The following NLRP4 variants were observed in gnomAD, a reference collection of about 807,000 sequenced individuals.
The protein encoded by NLRP4 is NLR family pyrin domain containing 4, also known as NACHT, LRR and PYD domains-containing protein 4.
In NLRP4, 44 loss-of-function variants were observed where a neutral mutation model predicts 84.7. That is an observed-to-expected ratio of 0.52 (90% confidence interval 0.41 to 0.67). NLRP4 has a LOEUF of 0.67. NLRP4 is among the 30% of genes least tolerant of loss of function. The pLI is 0.00. For missense variants in NLRP4, 1,260 were observed against 1,219.4 expected, an observed-to-expected ratio of 1.03 and a Z score of -0.50; for synonymous variants, 544 against 476.4, an observed-to-expected ratio of 1.14 and a Z score of -1.85.
Position 55,861,380 on chromosome 19 carries a change from C to T in NLRP4, c.1857-6C>T. 1 of 1,612,516 alleles carries T rather than the reference C, an allele frequency of 6.2e-7. No individual in the cohort carries two copies. The highest frequency in any genetic ancestry group is 1.3e-5 in the African/African-American group (1 of 75,018). ...CTGTGGAAAGCTCGTCCTTTCTTGA[C>T]CACAGGTCGGATTACAGCCTCATCT... On this transcript the variant is annotated splice_polypyrimidine_tract_variant and splice_region_variant and intron_variant, in intron 3 of 9. Coordinates refer to ENST00000301295, the MANE Select transcript of NLRP4 (RefSeq NM_134444.5).
At chr19:55,864,574 A>T (rs8104511) in intron 5 of NLRP4, among the ~76,000 whole-genome samples, 19 of 152,022 alleles carry the variant, frequency 1.2e-4, no homozygotes, top group African/African-American at 4.6e-4. Context: ...ACTTGTAACC[A>T]GGAGTAGACT....
At chr19:55,841,255 G>A (rs1056925758) in intron 1 of NLRP4, among the ~76,000 whole-genome samples, 3 of 152,168 alleles carry the variant, frequency 2.0e-5, no homozygotes, top group African/African-American at 2.4e-5. Context: ...AAGCGTGCCT[G>A]TTGACCAATC....
In NLRP4 at chr19:55,836,642, T is replaced by C. The variant is rs1488201466; in HGVS notation, c.-358T>C. ...GGTTACTTTGGGTCTTCCTTTTCTTTCTCCCTTTTACCCTGTCTCCTTTCT... is the reference window on the plus strand; with the variant it reads ...GGTTACTTTGGGTCTTCCTTTTCTTCCTCCCTTTTACCCTGTCTCCTTTCT... On this transcript the variant is annotated 5_prime_UTR_variant, in exon 1 of 10. Transcript: ENST00000301295. The C allele has an allele frequency of 1.3e-5, 2 of 152,612 alleles. No individual in the cohort carries two copies. The highest frequency in any genetic ancestry group is 1.3e-4 in the Admixed American group (2 of 15,284). 9.5% of individuals were successfully genotyped at this position (152,612 alleles called of 1,614,324 possible). A position where few individuals can be genotyped will look rare whatever the true frequency, so the allele number is the denominator to read the frequency against.
At position 55,878,681 on chromosome 19, in the gene NLRP4, G is replaced by C; in HGVS notation, c.2697-113G>C. ...TGAGGTCGTAAACACTGGACTGTGAGAGATTGCACTTGAGGCAATGGGGTG... is the reference window on the plus strand; with the variant it reads ...TGAGGTCGTAAACACTGGACTGTGACAGATTGCACTTGAGGCAATGGGGTG... On this transcript the variant is annotated intron_variant, in intron 8 of 9. Coordinates refer to ENST00000301295, the MANE Select transcript of NLRP4 (RefSeq NM_134444.5). 1.3e-5 allele frequency: 11 copies of C among 863,888 alleles called. No individual in the cohort carries two copies. In the South Asian group the frequency reaches 2.0e-4, roughly 16 times the overall value. 53.5% of individuals were successfully genotyped at this position (863,888 alleles called of 1,614,324 possible).
At chr19:55,851,939 A>T in intron 1 of NLRP4, 77 bp from the exon 2 acceptor site, 1 of 660,842 alleles carries the variant, frequency 1.5e-6, no homozygotes, top group Non-Finnish European at 2.6e-6. Context: ...TCCCCCCAGT[A>T]CTAGCAAGAT....
intron 1 of NLRP4, among the ~76,000 whole-genome samples, chr19:55,840,657 CA>C (rs1275082087): frequency 6.6e-6 from 1 of 152,174 alleles, no homozygotes; most frequent in Non-Finnish European, 1.5e-5. Context: ...CTCGGCCTCC[CA>C]AAGTGCTGGG....
In NLRP4 at chr19:55,858,496, C is replaced by T; in HGVS notation, c.1103C>T (p.Thr368Ile). ...GACCTGGCCCTGACCTGCCAGAGCA[C>T]TACCTCTGTGTACTCCTCTTTCGTC... is the stretch of plus-strand genomic sequence containing the variant. ...GKDLALTCQS[T>I]TSVYSSFVFN... Residue 368 changes from threonine (T) to isoleucine (I), a missense_variant, in exon 3 of 10, where the codon ACT (threonine) becomes ATT (isoleucine). Thr to Ile is a moderately conservative substitution (Grantham distance 89). This residue lies in a region of NLRP4 where 712 missense variants were observed against 669.2 expected (regional missense o/e 1.06). Transcript: ENST00000301295. This position sits in a 1 kb window ranked among gnomAD's most constrained non-coding sequence, Gnocchi z 4.2. The T allele has an allele frequency of 6.2e-7, 1 of 1,614,162 alleles. No individual in the cohort carries two copies. Among genetic ancestry groups the T allele is most frequent in the Non-Finnish European group, 8.5e-7 (1 of 1,180,036 alleles).
chr19:55,871,199 T>A (rs960504921), intron 7 of NLRP4, among the ~76,000 whole-genome samples: 2 of 152,154 alleles, frequency 1.3e-5, no homozygotes, highest in Non-Finnish European at 2.9e-5. Context: ...GGATTTAATA[T>A]GTTGCAAAGA....
At position 55,861,388 on chromosome 19, in the gene NLRP4, C is replaced by G; in HGVS notation, c.1859C>G (p.Ser620Trp). 6.2e-7 allele frequency: 1 copy of G among 1,612,648 alleles called. No homozygotes were observed. Among genetic ancestry groups the G allele is most frequent in the Non-Finnish European group, 8.5e-7 (1 of 1,179,160 alleles). Residue 620 changes from serine to tryptophan, a missense_variant and splice_region_variant, in exon 4 of 10, where the codon TCG becomes TGG. Coordinates refer to ENST00000301295, the MANE Select transcript of NLRP4 (RefSeq NM_134444.5). The part of the protein sequence containing the change: ...FKKEDEHSST[S>W]DYSLICWHHI... ...AGCTCGTCCTTTCTTGACCACAGGT[C>G]GGATTACAGCCTCATCTGTTGGCAT...
chr19:55,865,949 T>C (rs1984938048), intron 5 of NLRP4, among the ~76,000 whole-genome samples: 1 of 152,206 alleles, frequency 6.6e-6, no homozygotes, highest in Non-Finnish European at 1.5e-5. Flanking sequence ...TTTTTTTCTT[T>C]TGTCTCATGT....
chr19:55,858,533 C>A lies in NLRP4; in HGVS notation c.1140C>A (p.Phe380Leu). 6.2e-7 allele frequency: 1 copy of A among 1,614,174 alleles called. No homozygotes were observed. The highest frequency in any genetic ancestry group is 8.5e-7 in the Non-Finnish European group (1 of 1,180,030). The change falls in exon 3 of 10, where the codon TTC becomes TTA. Residue 380 changes from phenylalanine (F) to leucine (L), a missense_variant. Phe to Leu is a conservative substitution (Grantham distance 22). Coordinates refer to ENST00000301295, the MANE Select transcript of NLRP4 (RefSeq NM_134444.5). The surrounding 1 kb of genome is among the most constrained non-coding windows in gnomAD (Gnocchi z 4.2). The part of the protein sequence containing the change: ...SVYSSFVFNL[F>L]TPEGAEGPTP... The stretch of plus-strand genomic sequence containing the variant: ...ACTCCTCTTTCGTCTTTAACCTGTT[C>A]ACACCTGAGGGTGCCGAGGGCCCGA...
At chr19:55,845,587 C>G (rs1012112801) in intron 1 of NLRP4, among the ~76,000 whole-genome samples, 6 of 152,036 alleles carry the variant, frequency 3.9e-5, no homozygotes, top group Admixed American at 3.9e-4. Flanking sequence ...TTCTAGATCC[C>G]TGAGGAATCA....
intron 1 of NLRP4, among the ~76,000 whole-genome samples, chr19:55,845,374 G>A (rs1157719038): frequency 6.6e-6 from 1 of 151,670 alleles, no homozygotes; most frequent in Non-Finnish European, 1.5e-5. Context: ...TTTTATGGCC[G>A]CATAGTATTC....
chr19:55,841,605 GTAAT>G (rs1983616253), intron 1 of NLRP4, among the ~76,000 whole-genome samples: 1 of 152,178 alleles, frequency 6.6e-6, no homozygotes, highest in Non-Finnish European at 1.5e-5. Context: ...GCTCATGCCT[GTAAT>G]CCCAGCACTT....
At chr19:55,863,255 G>A (rs10853882) in intron 5 of NLRP4, among the ~76,000 whole-genome samples, 64,891 of 152,062 alleles carry the variant, frequency 0.43, 14,119 homozygotes, top group East Asian at 0.66. Context: ...AGATGGACAA[G>A]GCTCTGGTGT....
At chr19:55,850,747 T>G (rs1229503801) in intron 1 of NLRP4, among the ~76,000 whole-genome samples, 8 of 122,442 alleles carry the variant, frequency 6.5e-5, no homozygotes, top group Non-Finnish European at 1.3e-4. Context: ...GCGGTGTACT[T>G]CCCGAGGCTG....
intron 1 of NLRP4, among the ~76,000 whole-genome samples, chr19:55,847,122 T>A (rs11084408): frequency 0.05 from 7,598 of 151,386 alleles, 220 homozygotes; most frequent in Non-Finnish European, 0.061. Context: ...AAATTTTTTT[T>A]AAATTTTTCT....
chr19:55,880,182 T>C (rs368708179), intron 9 of NLRP4, among the ~76,000 whole-genome samples: 1 of 148,626 alleles, frequency 6.7e-6, no homozygotes, highest in East Asian at 2.0e-4. Flanking sequence ...TTTTTTTTTT[T>C]CCATTTTGTG....
Position 55,848,378 on chromosome 19 carries a change from T to TATACTATACTATACGATACTATA in NLRP4, c.-65-3638_-65-3637insATACTATACTATACGATACTATA, listed in dbSNP as rs1568657050. On this transcript the variant is annotated intron_variant, in intron 1 of 9. Coordinates refer to ENST00000301295, the MANE Select transcript of NLRP4 (RefSeq NM_134444.5). ...CCTACCCCTTTTTATACTATAGTAT[T>TATACTATACTATACGATACTATA]GTATACTATACTATACGATACTATA... Among the ~76,000 whole-genome samples, 607 of 151,684 alleles carry TATACTATACTATACGATACTATA rather than the reference T, an allele frequency of 4.0e-3. 13 individuals carry two copies. Among genetic ancestry groups the TATACTATACTATACGATACTATA allele is most frequent in the African/African-American group, 0.013 (526 of 41,282 alleles).
Sources: gnomAD v4.1 joint callset for allele counts (sites outside exome capture counted in the v4.1 genomes callset) on GRCh38, gnomAD v4.1.1 for gene constraint, gnomAD v4.1.1 regional missense constraint, Gnocchi (gnomAD v3.1) non-coding constraint, MANE v1.5 for transcripts, NCBI Gene and HGNC (gene_info 2026-07-23, HGNC 2026-07-21) for gene names.